Variants in FAM171A1 observed in about 807,000 individuals in gnomAD.
The protein encoded by FAM171A1 is protein FAM171A1.
Under a neutral mutation model 74.9 loss-of-function variants are expected in FAM171A1, and 23 were observed. The observed-to-expected ratio is 0.31, with a 90% confidence interval of 0.22 to 0.44. FAM171A1 has a LOEUF of 0.44. Among genes scored for constraint, FAM171A1 ranks in the 20% least tolerant of loss-of-function variants. FAM171A1 has a pLI of 1.00. For synonymous variants in FAM171A1, 527 were observed against 505.7 expected, an observed-to-expected ratio of 1.04 and a Z score of -0.57; for missense variants, 1,162 against 1,159.2, an observed-to-expected ratio of 1.00 and a Z score of -0.03.
Position 15,214,021 on chromosome 10 carries a change from G to A in FAM171A1, c.1567C>T (p.Pro523Ser). 3 of 1,614,186 alleles carry A rather than the reference G, an allele frequency of 1.9e-6. No individual in the cohort carries two copies. The highest frequency in any genetic ancestry group is 1.7e-6 in the Non-Finnish European group (2 of 1,180,024). The change falls in exon 8 of 8, where the codon CCT becomes TCT. Residue 523 changes from proline to serine, a missense_variant. By Grantham distance (74) the Pro-to-Ser change is moderately conservative (BLOSUM62 -1). Transcript: ENST00000378116. The part of the protein sequence containing the change: ...LTIQEHLYPA[P>S]SSPEKEQLLD... ...AGCTGTTCTTTCTCAGGTGATGAAG[G>A]CGCGGGGTACAGATGTTCCTGAATG... is the stretch of plus-strand genomic sequence containing the variant.
chr10:15,212,739 G>T lies in FAM171A1; in HGVS notation c.*176C>A. On this transcript the variant is annotated 3_prime_UTR_variant, in exon 8 of 8. Transcript: ENST00000378116. The stretch of plus-strand genomic sequence containing the variant: ...ATCCGCCAAAGTCATCCTTTATTCC[G>T]AGTAATAACTTTAATTCCTTTCTAA... 2 of 902,530 alleles carry T rather than the reference G, an allele frequency of 2.2e-6. No individual in the cohort carries two copies. The highest frequency in any genetic ancestry group is 3.3e-6 in the Non-Finnish European group (2 of 607,710). The allele number at this position is 902,530 out of a possible 1,614,324, so 55.9% of individuals were successfully genotyped here.
At chr10:15,240,955 G>T (rs1834356702) in intron 5 of FAM171A1, among the ~76,000 whole-genome samples, 1 of 151,992 alleles carries the variant, frequency 6.6e-6, no homozygotes, top group Non-Finnish European at 1.5e-5. Context: ...GAGGTAGGAG[G>T]ATCTCCTGAG....
At chr10:15,234,679 GTC>G (rs961314681) in intron 5 of FAM171A1, among the ~76,000 whole-genome samples, 41 of 150,996 alleles carry the variant, frequency 2.7e-4, no homozygotes, top group African/African-American at 9.0e-4. Context: ...TTGAGACGGA[GTC>G]TTGCTCTGTC....
chr10:15,251,247 C>T (rs1465478284), intron 4 of FAM171A1, among the ~76,000 whole-genome samples: 3 of 152,084 alleles, frequency 2.0e-5, no homozygotes, highest in Admixed American at 6.6e-5. Flanking sequence ...ATTTCATGTC[C>T]CTTTAGTGTC....
rs140046648 is a variant in FAM171A1, at chr10:15,360,186, G to A, written c.97+10770C>T. 4.4e-4 allele frequency among the ~76,000 whole-genome samples: 67 copies of A among 152,200 alleles called. No homozygotes were observed. The East Asian group carries it at 0.012, about 26-fold the overall frequency. On this transcript the variant is annotated intron_variant, in intron 1 of 7. Coordinates refer to ENST00000378116, the MANE Select transcript of FAM171A1 (RefSeq NM_001010924.2). ...GGGCTCAAGCAATCTCCCCACCTTG[G>A]CTTCCCAAAGTTTTGAGATTGTAGG...
At chr10:15,358,516 T>G (rs1250844328) in intron 1 of FAM171A1, among the ~76,000 whole-genome samples, 1 of 152,322 alleles carries the variant, frequency 6.6e-6, no homozygotes, top group South Asian at 2.1e-4. Context: ...TCTTTTTATA[T>G]AAACAGTTTG....
intron 6 of FAM171A1, among the ~76,000 whole-genome samples, chr10:15,217,085 T>C (rs184387123): frequency 6.6e-6 from 1 of 152,198 alleles, no homozygotes; most frequent in Non-Finnish European, 1.5e-5. Flanking sequence ...TGGCCAGAGA[T>C]CTCTTTAGAA....
chr10:15,312,993 C>A (rs1402314441), intron 1 of FAM171A1, among the ~76,000 whole-genome samples: 1 of 152,046 alleles, frequency 6.6e-6, no homozygotes, highest in African/African-American at 2.4e-5. Context: ...CCGTGCCCGG[C>A]CTTGCACTTT....
chr10:15,259,686 G>A (rs1303416328), intron 3 of FAM171A1, among the ~76,000 whole-genome samples: 4 of 151,984 alleles, frequency 2.6e-5, no homozygotes, highest in East Asian at 3.9e-4. Context: ...GTAAGAGGTA[G>A]AAAGGAATTA....
chr10:15,289,604 C>T (rs147713443), intron 1 of FAM171A1, among the ~76,000 whole-genome samples: 108 of 152,292 alleles, frequency 7.1e-4, no homozygotes, highest in Admixed American at 2.2e-3. Flanking sequence ...CAGACCTGAG[C>T]CCTGAGATCC....
chr10:15,287,161 G>A (rs1349539112), intron 1 of FAM171A1, among the ~76,000 whole-genome samples: 2 of 144,628 alleles, frequency 1.4e-5, no homozygotes, highest in African/African-American at 2.6e-5. Flanking sequence ...GTGCGATCTC[G>A]GCTCACCGTA....
At chr10:15,288,278 C>G (rs1835062081) in intron 1 of FAM171A1, among the ~76,000 whole-genome samples, 1 of 151,768 alleles carries the variant, frequency 6.6e-6, no homozygotes, top group Non-Finnish European at 1.5e-5. Flanking sequence ...TGGGTAGATA[C>G]CGGTAGTGGG....
chr10:15,340,260 A>C (rs1386346615), intron 1 of FAM171A1, among the ~76,000 whole-genome samples: 1 of 152,102 alleles, frequency 6.6e-6, no homozygotes, highest in African/African-American at 2.4e-5. Context: ...AATTTTTAGG[A>C]AGAGGGATGA....
intron 2 of FAM171A1, 87 bp from the exon 3 acceptor site, chr10:15,276,034 G>C: frequency 1.2e-6 from 1 of 859,538 alleles, no homozygotes; most frequent in South Asian, 1.7e-5. Context: ...TGCAGTTTTT[G>C]TATTTTCTGA....
intron 3 of FAM171A1, among the ~76,000 whole-genome samples, chr10:15,274,302 A>G (rs986523189): frequency 2.6e-5 from 4 of 152,204 alleles, no homozygotes; most frequent in African/African-American, 9.6e-5. Flanking sequence ...CAAAGAGAAT[A>G]AAATACCTAG....
intron 1 of FAM171A1, among the ~76,000 whole-genome samples, chr10:15,285,640 C>A (rs1254269327): frequency 6.6e-6 from 1 of 151,830 alleles, no homozygotes; most frequent in Non-Finnish European, 1.5e-5. Flanking sequence ...AGGAAGCAAG[C>A]AGCTGGTGTG....
chr10:15,363,103 A>C (rs1836015904), intron 1 of FAM171A1, among the ~76,000 whole-genome samples: 2 of 151,998 alleles, frequency 1.3e-5, no homozygotes, highest in Admixed American at 1.3e-4. Context: ...GTGTAGAGCA[A>C]CTATGGAAAG....
intron 1 of FAM171A1, among the ~76,000 whole-genome samples, chr10:15,311,741 T>A (rs932871986): frequency 6.6e-6 from 1 of 152,072 alleles, no homozygotes; most frequent in African/African-American, 2.4e-5. Flanking sequence ...GTTTTCCCCC[T>A]GGAAGAACAG....
At chr10:15,281,671 G>A (rs1429402285) in intron 2 of FAM171A1, among the ~76,000 whole-genome samples, 1 of 152,168 alleles carries the variant, frequency 6.6e-6, no homozygotes, top group African/African-American at 2.4e-5. Context: ...AGACCAGCCT[G>A]GCCAACATGG....
Sources: gnomAD v4.1 joint callset for allele counts (sites outside exome capture counted in the v4.1 genomes callset) on GRCh38, gnomAD v4.1.1 for gene constraint, MANE v1.5 for transcripts, NCBI Gene and HGNC (gene_info 2026-07-23, HGNC 2026-07-21) for gene names.